The following KIF13A variants were observed in gnomAD, a reference collection of about 807,000 sequenced individuals.
The protein encoded by KIF13A is kinesin-like protein KIF13A.
KIF13A carries 79 observed loss-of-function variants against 212.2 expected under a neutral mutation model. The ratio of observed to expected loss-of-function variants is 0.37; its 90% CI spans 0.31 to 0.45. The LOEUF (loss-of-function observed/expected upper bound fraction) is 0.45, where lower values mean the gene tolerates loss of function less well. Ranked by LOEUF, KIF13A falls within the 20% of genes least tolerant of loss-of-function variation. The probability of loss-of-function intolerance (pLI) is 1.00; values close to 1 mark genes in which losing one functional copy is unlikely to be tolerated. For synonymous variants in KIF13A, 789 were observed against 808.6 expected, an observed-to-expected ratio of 0.98 and a Z score of 0.41; for missense variants, 1,901 against 2,209.0, an observed-to-expected ratio of 0.86 and a Z score of 2.79.
chr6:17,821,969 G>T, intron 16 of KIF13A: 1 of 1,521,192 alleles, frequency 6.6e-7, no homozygotes, highest in Non-Finnish European at 8.8e-7. Context: ...ACTTGCATCA[G>T]AGACTGTGTG....
Position 17,794,620 on chromosome 6 carries a change from A to T in KIF13A, c.3027T>A (p.Leu1009=). 1 of 1,613,572 alleles carries T rather than the reference A, an allele frequency of 6.2e-7. No homozygotes were observed. ...NELGEYAAVE[L]HQAKDVNTGG... is the part of the protein sequence containing the mutation. ...CTGTGTTGACATCTTTTGCCTGATG[A>T]AGTTCCACTGCAGCATACTCTCCTA... Residue 1009 remains leucine, a synonymous_variant, in exon 24 of 39, where the codon CTT becomes CTA. Coordinates refer to ENST00000259711, the MANE Select transcript of KIF13A (RefSeq NM_022113.6). The surrounding 1 kb of genome is among the most constrained non-coding windows in gnomAD (Gnocchi z 4.1).
intron 2 of KIF13A, among the ~76,000 whole-genome samples, chr6:17,958,397 G>C (rs570193553): frequency 3.3e-5 from 5 of 152,184 alleles, no homozygotes; most frequent in African/African-American, 7.2e-5. Flanking sequence ...ATGGTGTTCT[G>C]GACAGCACAC....
intron 28 of KIF13A, among the ~76,000 whole-genome samples, chr6:17,784,790 AG>A (rs1397455153): frequency 6.6e-6 from 1 of 152,238 alleles, no homozygotes; most frequent in Non-Finnish European, 1.5e-5. Flanking sequence ...GCACAACAGC[AG>A]GAACTGCAGG....
chr6:17,962,670 G>A (rs1778936979), intron 2 of KIF13A, among the ~76,000 whole-genome samples: 1 of 152,214 alleles, frequency 6.6e-6, no homozygotes, highest in Admixed American at 6.5e-5. Flanking sequence ...CAGGCACCCG[G>A]AGGCAGCTCA....
intron 18 of KIF13A, 41 bp downstream of exon 18, chr6:17,808,727 C>T (rs527475446): frequency 2.6e-6 from 4 of 1,559,020 alleles, no homozygotes; most frequent in Non-Finnish European, 3.5e-6. Context: ...ACAATATTTA[C>T]TATTGTGCAT....
intron 9 of KIF13A, among the ~76,000 whole-genome samples, chr6:17,844,915 G>T (rs1015860395): frequency 1.3e-5 from 2 of 152,122 alleles, no homozygotes; most frequent in African/African-American, 4.8e-5. Context: ...GACTCTAAAT[G>T]AACCAGAATC....
intron 35 of KIF13A, 117 bp downstream of exon 35, chr6:17,774,898 T>G (rs1394409445): frequency 1.5e-6 from 1 of 665,842 alleles, no homozygotes; most frequent in Non-Finnish European, 2.5e-6. Context: ...CTTTTTCTTT[T>G]TTTTTAAACT....
At chr6:17,911,938 G>T (rs1300559714) in intron 2 of KIF13A, among the ~76,000 whole-genome samples, 1 of 152,000 alleles carries the variant, frequency 6.6e-6, no homozygotes, top group African/African-American at 2.4e-5. Context: ...CTAATTTTTT[G>T]TATTTTAGTA....
At chr6:17,824,936 A>T (rs1368779243) in intron 16 of KIF13A, among the ~76,000 whole-genome samples, 1 of 152,050 alleles carries the variant, frequency 6.6e-6, no homozygotes, top group East Asian at 1.9e-4. Context: ...GAGCCTACAA[A>T]CTACCTTTCT....
intron 2 of KIF13A, among the ~76,000 whole-genome samples, chr6:17,976,485 G>C (rs991800255): frequency 1.3e-4 from 20 of 152,208 alleles, no homozygotes; most frequent in Non-Finnish European, 2.1e-4. Flanking sequence ...CTCCGAATGC[G>C]GGGCCCGCCA....
At chr6:17,917,235 C>CTTTTTTTTTTTT (rs71002284) in intron 2 of KIF13A, among the ~76,000 whole-genome samples, 1 of 79,098 alleles carries the variant, frequency 1.3e-5, no homozygotes. Flanking sequence ...TTACACGATT[C>CTTTTTTTTTTTT]TTTTTTTTTT....
At chr6:17,844,812 A>G (rs557140856) in intron 9 of KIF13A, among the ~76,000 whole-genome samples, 2 of 152,276 alleles carry the variant, frequency 1.3e-5, no homozygotes, top group South Asian at 4.2e-4. Flanking sequence ...AAGGACACCC[A>G]CCCTTGAGTA....
At chr6:17,975,348 G>A (rs912264044) in intron 2 of KIF13A, among the ~76,000 whole-genome samples, 1 of 152,138 alleles carries the variant, frequency 6.6e-6, no homozygotes, top group African/African-American at 2.4e-5. Flanking sequence ...CTAACTTCAA[G>A]AATGAAGCTG....
Position 17,794,780 on chromosome 6 carries a change from C to T in KIF13A, c.2943-76G>A. 6.9e-7 allele frequency: 1 copy of T among 1,456,992 alleles called. No individual in the cohort carries two copies. The highest frequency in any genetic ancestry group is 9.3e-7 in the Non-Finnish European group (1 of 1,077,414). 90.3% of individuals were successfully genotyped at this position (1,456,992 alleles called of 1,614,324 possible). A position where few individuals can be genotyped will look rare whatever the true frequency, so the allele number is the denominator to read the frequency against. ...TTAGTAATAGTAATAAGCCACCATT[C>T]ACTGAGCACTTACTATGTGCTAGGC... On this transcript the variant is annotated intron_variant, in intron 23 of 38. Transcript: ENST00000259711. The surrounding 1 kb of genome is among the most constrained non-coding windows in gnomAD (Gnocchi z 4.1).
In KIF13A at chr6:17,789,297, G is replaced by A. The variant is rs982273410; in HGVS notation, c.3261+575C>T. Among the ~76,000 whole-genome samples, 1 of 152,158 alleles carries A rather than the reference G, an allele frequency of 6.6e-6. No individual in the cohort carries two copies. Among genetic ancestry groups the A allele is most frequent in the Non-Finnish European group, 1.5e-5 (1 of 68,044 alleles). Reference sequence around the variant, plus strand: ...CTATAGGTTATGGAGAACTAAGTGTGACCCAAATGAGAAAAGAAAGCTGGC... The same window carrying A: ...CTATAGGTTATGGAGAACTAAGTGTAACCCAAATGAGAAAAGAAAGCTGGC... On this transcript the variant is annotated intron_variant, in intron 26 of 38. Transcript: ENST00000259711. The surrounding 1 kb of genome is among the most constrained non-coding windows in gnomAD (Gnocchi z 4.8).
intron 16 of KIF13A, among the ~76,000 whole-genome samples, chr6:17,820,967 C>T (rs1764378734): frequency 1.3e-5 from 2 of 152,160 alleles, no homozygotes; most frequent in Admixed American, 6.5e-5. Flanking sequence ...ACTATTTGAT[C>T]CCAGATGGAA....
intron 2 of KIF13A, among the ~76,000 whole-genome samples, chr6:17,954,381 C>T (rs528188785): frequency 1.1e-4 from 17 of 152,118 alleles, no homozygotes; most frequent in Middle Eastern, 3.4e-3. Context: ...ACCACATCTT[C>T]CCCCTTTTAG....
intron 4 of KIF13A, among the ~76,000 whole-genome samples, chr6:17,864,421 C>A (rs1166004139): frequency 6.6e-6 from 1 of 152,154 alleles, no homozygotes; most frequent in Non-Finnish European, 1.5e-5. Context: ...GAGAGAGCTC[C>A]TGTATGGAAT....
intron 2 of KIF13A, among the ~76,000 whole-genome samples, chr6:17,909,624 GTGGCTCA>G (rs1273561621): frequency 1.3e-5 from 2 of 152,090 alleles, no homozygotes; most frequent in East Asian, 3.9e-4. Context: ...ACCAGGTATG[GTGGCTCA>G]TGCCTGTAAT....
Sources: gnomAD v4.1 joint callset for allele counts (sites outside exome capture counted in the v4.1 genomes callset) on GRCh38, gnomAD v4.1.1 for gene constraint, Gnocchi (gnomAD v3.1) non-coding constraint, MANE v1.5 for transcripts, NCBI Gene and HGNC (gene_info 2026-07-23, HGNC 2026-07-21) for gene names.